The following DEAF1 variants were observed in gnomAD, a reference collection of about 807,000 sequenced individuals.
DEAF1 encodes the protein DEAF1 transcription factor.
In DEAF1, 53 loss-of-function variants were observed where a neutral mutation model predicts 58.9. The ratio of observed to expected loss-of-function variants is 0.90; its 90% CI spans 0.72 to 1.13. The LOEUF is 1.13. DEAF1 is among the 50% of genes most tolerant of loss of function. The probability of loss-of-function intolerance (pLI) is 0.00; values close to 1 mark genes in which losing one functional copy is unlikely to be tolerated. For missense variants in DEAF1, 685 were observed against 791.4 expected, an observed-to-expected ratio of 0.87 and a Z score of 1.61; for synonymous variants, 385 against 340.4, an observed-to-expected ratio of 1.13 and a Z score of -1.44.
rs567673786 is a variant in DEAF1, at chr11:680,856, T to C, written c.997+107A>G. On this transcript the variant is annotated intron_variant, in intron 7 of 11. Transcript: ENST00000382409. ...CGTTGGAATCCCTCTGGCCACGCAA[T>C]GTGCTTTAGAAGTGAGAATCCCGCA... 1.7e-4 allele frequency: 257 copies of C among 1,518,406 alleles called. 1 individual carries two copies. The highest frequency in any genetic ancestry group is 1.7e-4 in the Non-Finnish European group (189 of 1,097,866). 94.1% of individuals were successfully genotyped at this position (1,518,406 alleles called of 1,614,324 possible). A position where few individuals can be genotyped will look rare whatever the true frequency, so the allele number is the denominator to read the frequency against.
At chr11:684,798 G>A in intron 6 of DEAF1, 100 bp downstream of exon 6, 1 of 1,011,938 alleles carries the variant, frequency 9.9e-7, no homozygotes, top group Non-Finnish European at 1.5e-6. Flanking sequence ...CCAAGGCAGA[G>A]GGCAGGAGGG....
intron 1 of DEAF1, chr11:705,984 G>C (rs903264528): frequency 2.0e-5 from 3 of 152,300 alleles, no homozygotes; most frequent in African/African-American, 2.4e-5. Context: ...CACACCAGGC[G>C]GGTGTTGGGG....
At chr11:680,011 G>GACCAGGATC in intron 7 of DEAF1, 195 bp from the exon 8 acceptor site, 1 of 673,696 alleles carries the variant, frequency 1.5e-6, no homozygotes, top group Admixed American at 2.6e-5. Flanking sequence ...AAACCAGGAT[G>GACCAGGATC]GCCAGGATGG....
At chr11:670,047 G>A (rs1859742722) in intron 10 of DEAF1, among the ~76,000 whole-genome samples, 1 of 150,974 alleles carries the variant, frequency 6.6e-6, no homozygotes, top group South Asian at 2.1e-4. Flanking sequence ...TCCAGCCTGA[G>A]TGACAGAGTG....
chr11:694,695 G>C (rs1010928101), intron 1 of DEAF1, 64 bp downstream of exon 1: 7 of 1,271,138 alleles, frequency 5.5e-6, no homozygotes, highest in African/African-American at 4.7e-5. Context: ...CAGTTGTGCG[G>C]GGCAGGCGCG....
Position 688,261 on chromosome 11 carries a change from T to G in DEAF1, c.517+70A>C. ...CCACAAAAAGAAACAAGTAAATAAA[T>G]CCCTGAAATAAATTCTAGCTATTCT... On this transcript the variant is annotated intron_variant, in intron 3 of 11. Coordinates refer to ENST00000382409, the MANE Select transcript of DEAF1 (RefSeq NM_021008.4). This position sits in a 1 kb window ranked among gnomAD's most constrained non-coding sequence, Gnocchi z 4.3. 1 of 1,578,234 alleles carries G rather than the reference T, an allele frequency of 6.3e-7. No individual in the cohort carries two copies. The highest frequency in any genetic ancestry group is 8.6e-7 in the Non-Finnish European group (1 of 1,161,034).
At position 654,032 on chromosome 11, in the gene DEAF1, C is replaced by T. The variant is rs2133290047; in HGVS notation, c.1523G>A (p.Gly508Asp). 2 of 1,613,692 alleles carry T rather than the reference C, an allele frequency of 1.2e-6. No homozygotes were observed. Among genetic ancestry groups the T allele is most frequent in the Non-Finnish European group, 1.7e-6 (2 of 1,179,968 alleles). Residue 508 changes from glycine (G) to aspartate (D), a missense_variant, in exon 11 of 12, where the codon GGC becomes GAC. Physicochemically the swap from Gly to Asp is moderately conservative, Grantham distance 94 (BLOSUM62 -1). Transcript: ENST00000382409. ...GGTGCACTCGCTCATAGCCTCCCGG[C>T]CGCAGTTAACGCAGGACTGCTGCAA... ...ERKEQSCVNC[G>D]REAMSECTGC...
intron 8 of DEAF1, among the ~76,000 whole-genome samples, chr11:679,314 CA>C (rs35318035): frequency 0.42 from 60,390 of 142,692 alleles, 12,910 homozygotes; most frequent in East Asian, 0.57. Flanking sequence ...GACTCCACCT[CA>C]AAAAAAAAAA....
chr11:661,792 A>T (rs546739625), intron 10 of DEAF1, among the ~76,000 whole-genome samples: 1 of 152,360 alleles, frequency 6.6e-6, no homozygotes, highest in South Asian at 2.1e-4. Context: ...GTGCTCTGTC[A>T]GGGTGCTCAT....
chr11:666,135 G>C (rs997479596), intron 10 of DEAF1: 1 of 152,210 alleles, frequency 6.6e-6, no homozygotes, highest in Non-Finnish European at 1.5e-5. Flanking sequence ...CCACAGCTTC[G>C]CAGATCCAAG....
chr11:679,302 G>A (rs573266763), intron 8 of DEAF1, among the ~76,000 whole-genome samples: 21 of 134,306 alleles, frequency 1.6e-4, no homozygotes, highest in Admixed American at 5.6e-4. Context: ...GGGATGGAGC[G>A]AGACTCCACC....
chr11:694,883 C>A lies in DEAF1; in HGVS notation c.165G>T (p.Glu55Asp). The A allele has an allele frequency of 1.3e-6, 2 of 1,502,268 alleles. No individual in the cohort carries two copies. Among genetic ancestry groups the A allele is most frequent in the Non-Finnish European group, 8.8e-7 (1 of 1,130,338 alleles). The allele number at this position is 1,502,268 out of a possible 1,614,324, so 93.1% of individuals were successfully genotyped here. ...TGACCCGCGGCGTCTCCCGCTCCGC[C>A]TCCGAGTCTGCGTCCTCCTCCGAGT... ...DEDSEEDADS[E>D]AERETPRVTA... is the part of the protein sequence containing the mutation. The change falls in exon 1 of 12, where the codon GAG becomes GAT. Residue 55 changes from glutamate to aspartate, a missense_variant. Physicochemically the swap from Glu to Asp is conservative, Grantham distance 45. Around this residue, in one of 3 missense-constraint regions of DEAF1, gnomAD observed 210 missense variants for 177.3 expected, o/e 1.18. Transcript: ENST00000382409.
chr11:646,568 AG>A (rs1858510330), intron 11 of DEAF1: 1 of 152,190 alleles, frequency 6.6e-6, no homozygotes, highest in Non-Finnish European at 1.5e-5. Context: ...GTGCAGATGG[AG>A]GGAGAGAGGG....
chr11:663,737 G>A (rs189950487), intron 10 of DEAF1, among the ~76,000 whole-genome samples: 1 of 151,552 alleles, frequency 6.6e-6, no homozygotes, highest in Admixed American at 6.6e-5. Context: ...TCTCCTCAGC[G>A]ACTGCCTCTG....
intron 10 of DEAF1, chr11:674,129 AG>A: frequency 3.4e-6 from 1 of 296,422 alleles, no homozygotes; most frequent in African/African-American, 2.2e-5. Context: ...CTCGGCTCCC[AG>A]GAAGGGGCTC....
At chr11:698,251 CAA>C (rs1257389486), upstream of DEAF1, among the ~76,000 whole-genome samples, 2 of 150,486 alleles carry the variant, frequency 1.3e-5, no homozygotes, top group African/African-American at 4.9e-5. Context: ...ACCTCAGAAT[CAA>C]AAAGGAGGAA....
chr11:676,930 C>T (rs1242333658), intron 9 of DEAF1, among the ~76,000 whole-genome samples: 3 of 152,206 alleles, frequency 2.0e-5, no homozygotes, highest in South Asian at 2.1e-4. Flanking sequence ...AGCACAAACA[C>T]GCACACGTGC....
At chr11:704,382 A>G (rs931562173) in intron 1 of DEAF1, 18 of 1,137,786 alleles carry the variant, frequency 1.6e-5, no homozygotes, top group South Asian at 2.6e-5. Flanking sequence ...TCTTCGTGGA[A>G]GCGGTGGGAG....
In DEAF1 at chr11:688,065, A is replaced by C; in HGVS notation, c.518-8T>G. ...TTGGAGGAGACTGAGGACCTTGGGC[A>C]GAGAAAGTGTTTGAAGGTGAGAGGC... On this transcript the variant is annotated splice_polypyrimidine_tract_variant and splice_region_variant and intron_variant, in intron 3 of 11. Coordinates refer to ENST00000382409, the MANE Select transcript of DEAF1 (RefSeq NM_021008.4). The surrounding 1 kb of genome is among the most constrained non-coding windows in gnomAD (Gnocchi z 4.3). 1.2e-6 allele frequency: 2 copies of C among 1,613,890 alleles called. No homozygotes were observed. The highest frequency in any genetic ancestry group is 1.7e-6 in the Non-Finnish European group (2 of 1,179,932).
Sources: allele counts gnomAD v4.1 joint callset (sites outside exome capture counted in the v4.1 genomes callset), GRCh38; gene constraint gnomAD v4.1.1; regional missense constraint gnomAD v4.1.1; non-coding constraint Gnocchi (gnomAD v3.1); transcripts MANE v1.5; gene names NCBI Gene and HGNC (gene_info 2026-07-23, HGNC 2026-07-21).